CASP9: variants seen among roughly 807,000 people sequenced by gnomAD.
CASP9 encodes the protein caspase-9.
A neutral mutation model predicts 43.5 loss-of-function variants in CASP9; 29 were observed. That is an observed-to-expected ratio of 0.67 (90% CI 0.50 to 0.91). The LOEUF is 0.91. Ranked by LOEUF, CASP9 falls within the 40% of genes least tolerant of loss-of-function variation. The pLI, the probability that CASP9 is intolerant of heterozygous loss-of-function variation, is 0.00. For missense variants in CASP9, 575 were observed against 537.4 expected, an observed-to-expected ratio of 1.07 and a Z score of -0.69; for synonymous variants, 206 against 211.9, an observed-to-expected ratio of 0.97 and a Z score of 0.24.
chr1:15,493,633 A>G (rs1708977574), intron 8 of CASP9: 6 of 1,440,366 alleles, frequency 4.2e-6, no homozygotes, highest in Non-Finnish European at 4.5e-6. Context: ...CCATCAGTGG[A>G]GGAGCGGGAG....
upstream of CASP9, chr1:15,524,595 C>CACTGACCTCACGTCACCG: frequency 9.8e-7 from 1 of 1,016,536 alleles, no homozygotes; most frequent in Non-Finnish European, 1.2e-6. Context: ...CACGTCACCG[C>CACTGACCTCACGTCACCG]CCCGCCCCCG....
chr1:15,507,173 CA>C (rs1709560430), intron 3 of CASP9, 98 bp from the exon 4 acceptor site: 1 of 1,416,088 alleles, frequency 7.1e-7, no homozygotes. Context: ...CCCTCTCGCA[CA>C]AGGAGTAGCA....
rs948476587 is a variant in CASP9 at position 15,492,676 on chromosome 1, G to C, written c.*267C>G. Reference sequence around the variant, plus strand: ...TCTAGAGACAACACAGGGATCATGGGACACAAGTCACTAGCCCTGGACCAG... The same window carrying C: ...TCTAGAGACAACACAGGGATCATGGCACACAAGTCACTAGCCCTGGACCAG... On this transcript the variant is annotated 3_prime_UTR_variant, in exon 9 of 9. Coordinates refer to ENST00000333868, the MANE Select transcript of CASP9 (RefSeq NM_001229.5). 3.9e-6 allele frequency: 2 copies of C among 519,454 alleles called. No homozygotes were observed. The highest frequency in any genetic ancestry group is 3.8e-5 in the African/African-American group (2 of 52,456). The allele number at this position is 519,454 out of a possible 1,614,324, so 32.2% of individuals were successfully genotyped here.
intron 6 of CASP9, among the ~76,000 whole-genome samples, chr1:15,497,996 G>A (rs912599451): frequency 1.3e-5 from 2 of 152,220 alleles, no homozygotes; most frequent in African/African-American, 2.4e-5. Flanking sequence ...CCTCACATGC[G>A]TGGTCAAATG....
At chr1:15,504,849 G>A in intron 5 of CASP9, 91 bp from the exon 6 acceptor site, 1 of 1,359,784 alleles carries the variant, frequency 7.4e-7, no homozygotes. Context: ...CCAAGGATTT[G>A]GAAGGTCAAA....
At chr1:15,499,726 A>T (rs1709248218) in intron 6 of CASP9, among the ~76,000 whole-genome samples, 2 of 152,234 alleles carry the variant, frequency 1.3e-5, no homozygotes, top group South Asian at 4.1e-4. Flanking sequence ...GCTAGTGATG[A>T]TGAAGGCCAT....
chr1:15,504,833 T>A, intron 5 of CASP9, 75 bp from the exon 6 acceptor site: 1 of 1,474,562 alleles, frequency 6.8e-7, no homozygotes, highest in Non-Finnish European at 9.2e-7. Flanking sequence ...AGAGGTTTTG[T>A]GGGAGCCAAG....
chr1:15,512,537 C>A (rs1709793399), intron 2 of CASP9, among the ~76,000 whole-genome samples: 1 of 152,134 alleles, frequency 6.6e-6, no homozygotes, highest in Non-Finnish European at 1.5e-5. Flanking sequence ...GGATCTCAGG[C>A]CTTCAGACTC....
Position 15,492,270 on chromosome 1 carries a change from G to A in CASP9, c.*673C>T, listed in dbSNP as rs2103319783. 6.6e-6 allele frequency: 1 copy of A among 152,300 alleles called. No homozygotes were observed. The highest frequency in any genetic ancestry group is 1.9e-4 in the East Asian group (1 of 5,188). The allele number at this position is 152,300 out of a possible 1,614,324, so 9.4% of individuals were successfully genotyped here. On this transcript the variant is annotated 3_prime_UTR_variant, in exon 9 of 9. Coordinates refer to ENST00000333868, the MANE Select transcript of CASP9 (RefSeq NM_001229.5). ...AAAATGAGGGAAGAAATAGGCAAAA[G>A]AGAGTCCATATTTGCCTCAGATTTA...
intron 1 of CASP9, among the ~76,000 whole-genome samples, chr1:15,520,483 A>G (rs1336088631): frequency 6.6e-6 from 1 of 152,252 alleles, no homozygotes; most frequent in African/African-American, 2.4e-5. Flanking sequence ...CATTGCTAAT[A>G]TAACTTAGGA....
At position 15,493,937 on chromosome 1, in the gene CASP9, A is replaced by G. The variant is rs1440320636; in HGVS notation, c.1113T>C (p.Phe371=). The G allele has an allele frequency of 6.9e-6, 11 of 1,605,024 alleles. No individual in the cohort carries two copies. Among genetic ancestry groups the G allele is most frequent in the Non-Finnish European group, 9.4e-6 (11 of 1,175,322 alleles). Residue 371 remains phenylalanine (F), a synonymous_variant, in exon 8 of 9, where the codon TTT becomes TTC. Coordinates refer to ENST00000333868, the MANE Select transcript of CASP9 (RefSeq NM_001229.5). The part of the protein sequence containing the change: ...SWYVETLDDI[F]EQWAHSEDLQ... ...GGTCTTCAGAGTGAGCCCACTGCTC[A>G]AAGATGTCGTCCAGGGTCTCAACGT...
intron 1 of CASP9, among the ~76,000 whole-genome samples, chr1:15,519,282 T>C (rs935564632): frequency 6.6e-6 from 1 of 151,568 alleles, no homozygotes; most frequent in Non-Finnish European, 1.5e-5. Context: ...TGGGTACAAA[T>C]GATTCTCCCA....
chr1:15,522,221 A>G (rs1710232225), intron 1 of CASP9, among the ~76,000 whole-genome samples: 1 of 152,238 alleles, frequency 6.6e-6, no homozygotes, highest in Non-Finnish European at 1.5e-5. Context: ...GTGGTTTTTT[A>G]CAACTTGCTA....
intron 2 of CASP9, 90 bp from the exon 3 acceptor site, chr1:15,507,997 G>C: frequency 5.4e-6 from 7 of 1,301,822 alleles, no homozygotes; most frequent in Admixed American, 1.8e-5. Context: ...CCCAAGAACG[G>C]AGCAGCGAGA....
Position 15,524,090 on chromosome 1 carries a change from G to A in CASP9, c.111C>T (p.Pro37=). 1.3e-6 allele frequency: 2 copies of A among 1,530,842 alleles called. No homozygotes were observed. Among genetic ancestry groups the A allele is most frequent in the South Asian group, 1.2e-5 (1 of 83,178 alleles). 94.8% of individuals were successfully genotyped at this position (1,530,842 alleles called of 1,614,324 possible). ...GCACCTGGATGTCCTCGATCATATG[G>A]GGCCTGAACAGCTCGCGGCTCAGCA... ...DALLSRELFR[P]HMIEDIQRAG... Residue 37 remains proline (P), a synonymous_variant, in exon 1 of 9, where the codon CCC becomes CCT. Transcript: ENST00000333868.
At chr1:15,502,381 G>C (rs899818957) in intron 6 of CASP9, among the ~76,000 whole-genome samples, 1 of 152,196 alleles carries the variant, frequency 6.6e-6, no homozygotes, top group Non-Finnish European at 1.5e-5. Flanking sequence ...AGCACTTTGG[G>C]AGGCGGAGGT....
chr1:15,495,470 A>G lies in CASP9; in HGVS notation c.869-18T>C. 1 of 1,557,648 alleles carries G rather than the reference A, an allele frequency of 6.4e-7. No homozygotes were observed. The highest frequency in any genetic ancestry group is 8.7e-7 in the Non-Finnish European group (1 of 1,153,266). On this transcript the variant is annotated intron_variant, in intron 6 of 8. Transcript: ENST00000333868. ...TTTCTGCTCTGCAGGAAGCAGAAAC[A>G]AACACCTCTTGTCATTGAAATACAC... is the stretch of plus-strand genomic sequence containing the variant.
intron 2 of CASP9, among the ~76,000 whole-genome samples, chr1:15,511,179 G>A (rs1709738198): frequency 6.6e-6 from 1 of 152,148 alleles, no homozygotes; most frequent in South Asian, 2.1e-4. Flanking sequence ...TTTATATGAG[G>A]GTTTAAGGAA....
intron 6 of CASP9, 42 bp downstream of exon 6, chr1:15,504,569 C>T: frequency 6.3e-7 from 1 of 1,576,348 alleles, no homozygotes. Context: ...GCGGCTCCCT[C>T]CCCACCAGAC....
Sources: gnomAD v4.1 joint callset for allele counts (sites outside exome capture counted in the v4.1 genomes callset) on GRCh38, gnomAD v4.1.1 for gene constraint, MANE v1.5 for transcripts, NCBI Gene and HGNC (gene_info 2026-07-23, HGNC 2026-07-21) for gene names.